The following WIPF2 variants were observed in gnomAD, a reference collection of about 807,000 sequenced individuals.
WIPF2 encodes the protein WAS/WASL-interacting protein family member 2.
Under a neutral mutation model 38.8 loss-of-function variants are expected in WIPF2, and 23 were observed. The observed-to-expected ratio is 0.59, with a 90% CI of 0.43 to 0.84. The LOEUF (loss-of-function observed/expected upper bound fraction) is 0.84. Ranked by LOEUF, WIPF2 falls within the 40% of genes least tolerant of loss-of-function variation. WIPF2 has a pLI of 0.00. For missense variants in WIPF2, 574 were observed against 580.5 expected (o/e 0.99, Z 0.11); for synonymous variants, 210 against 223.2 (o/e 0.94, Z 0.53).
At chr17:40,262,383 T>C in intron 3 of WIPF2, 142 bp from the exon 4 acceptor site, 1 of 621,800 alleles carries the variant, frequency 1.6e-6, no homozygotes. Flanking sequence ...GTACCAGGCC[T>C]GCTTTTTTAA....
At chr17:40,231,680 C>G (rs1020032028) in intron 1 of WIPF2, among the ~76,000 whole-genome samples, 6 of 152,088 alleles carry the variant, frequency 3.9e-5, no homozygotes, top group Non-Finnish European at 8.8e-5. Context: ...GCCTTGGCGC[C>G]TCAAAGTGCT....
In WIPF2 at chr17:40,265,034, G is replaced by A; in HGVS notation, c.858G>A (p.Lys286=). ...AGAGACACAATTCTTTGCATAGGAA[G>A]ACACCAGGGCCTGTCAGAGGCCTAG... The part of the protein sequence containing the change: ...LPQRHNSLHR[K]TPGPVRGLAP... Residue 286 remains lysine (K), a synonymous_variant, in exon 5 of 8, where the codon AAG becomes AAA. Coordinates refer to ENST00000323571, the MANE Select transcript of WIPF2 (RefSeq NM_133264.5). The A allele has an allele frequency of 6.2e-7, 1 of 1,614,056 alleles. No individual in the cohort carries two copies. The highest frequency in any genetic ancestry group is 1.3e-5 in the African/African-American group (1 of 75,010).
At chr17:40,224,406 A>ATTTTTTTTT (rs67838907) in intron 1 of WIPF2, among the ~76,000 whole-genome samples, 20 of 89,064 alleles carry the variant, frequency 2.2e-4, no homozygotes, top group South Asian at 3.6e-4. Flanking sequence ...GATTTTTTGT[A>ATTTTTTTTT]TTTTTTTTTT....
intron 2 of WIPF2, among the ~76,000 whole-genome samples, chr17:40,259,230 G>C (rs577910435): frequency 2.0e-5 from 3 of 151,272 alleles, no homozygotes; most frequent in African/African-American, 7.3e-5. Context: ...TATTGCTTGA[G>C]GGGATGTGGT....
chr17:40,237,896 CAAAAAA>C (rs758183706), intron 1 of WIPF2, among the ~76,000 whole-genome samples: 4 of 106,006 alleles, frequency 3.8e-5, no homozygotes, highest in Admixed American at 2.0e-4. Context: ...ACTAAAATAC[CAAAAAA>C]AAAAAAAAAA....
rs1555557765 is a variant in WIPF2 at position 40,219,394 on chromosome 17, G to GCGGCGA, written c.-161_-156dup. ...GGCGGCGGCGGCGGCGGCGGCGGCG[G>GCGGCGA]CGGCGACGGCGAGAAAGAGCTTGCC... On this transcript the variant is annotated 5_prime_UTR_variant, in exon 1 of 8. Transcript: ENST00000323571. 5,007 of 416,342 alleles carry GCGGCGA rather than the reference G, an allele frequency of 0.012. 61 individuals are homozygous for GCGGCGA. Among genetic ancestry groups the GCGGCGA allele is most frequent in the Non-Finnish European group, 0.016 (3,562 of 219,598 alleles). The allele number at this position is 416,342 out of a possible 1,614,324, so 25.8% of individuals were successfully genotyped here. A position where few individuals can be genotyped will look rare whatever the true frequency, so the allele number is the denominator to read the frequency against.
In WIPF2 at chr17:40,219,368, T is replaced by TGGCGGCGGCGGC. The variant is rs60253561; in HGVS notation, c.-174_-163dup. ...ATTTCCGGGTTGGCAAAAGGGGCGG[T>TGGCGGCGGCGGC]GGCGGCGGCGGCGGCGGCGGCGGCG... On this transcript the variant is annotated 5_prime_UTR_variant, in exon 1 of 8. Coordinates refer to ENST00000323571, the MANE Select transcript of WIPF2 (RefSeq NM_133264.5). 0.016 allele frequency: 5,963 copies of TGGCGGCGGCGGC among 379,678 alleles called. 353 individuals are homozygous for TGGCGGCGGCGGC. Among genetic ancestry groups the TGGCGGCGGCGGC allele is most frequent in the East Asian group, 0.03 (462 of 15,608 alleles). 23.5% of individuals were successfully genotyped at this position (379,678 alleles called of 1,614,324 possible).
chr17:40,260,842 A>G, intron 3 of WIPF2, 175 bp downstream of exon 3: 1 of 865,986 alleles, frequency 1.2e-6, no homozygotes, highest in Non-Finnish European at 1.8e-6. Flanking sequence ...TGACTCTTGG[A>G]GAGCATCTCA....
chr17:40,239,790 G>A (rs539272791), intron 1 of WIPF2, among the ~76,000 whole-genome samples: 9 of 137,634 alleles, frequency 6.5e-5, no homozygotes, highest in African/African-American at 2.4e-4. Flanking sequence ...TCTGCCACCC[G>A]GCTTCAAAGG....
chr17:40,219,898 G>C (rs1159922638), intron 1 of WIPF2: 1 of 152,720 alleles, frequency 6.5e-6, no homozygotes, highest in Non-Finnish European at 1.5e-5. Flanking sequence ...TGTTGGGAAC[G>C]GCTAATTAGC....
intron 1 of WIPF2, among the ~76,000 whole-genome samples, chr17:40,251,406 G>A (rs947164538): frequency 6.6e-6 from 1 of 151,296 alleles, no homozygotes. Context: ...GCGATTATAA[G>A]TCTCAGTCCT....
Position 40,282,458 on chromosome 17 carries a change from C to G in WIPF2, c.*4233C>G, listed in dbSNP as rs377140616. On this transcript the variant is annotated 3_prime_UTR_variant, in exon 8 of 8. Coordinates refer to ENST00000323571, the MANE Select transcript of WIPF2 (RefSeq NM_133264.5). ...CTAGAATGACACGTGTGCGTGCGCA[C>G]GCGTGTGCGTGTGTGTGTTCATCTG... 6.6e-6 allele frequency: 1 copy of G among 151,676 alleles called. No individual in the cohort carries two copies. The highest frequency in any genetic ancestry group is 1.5e-5 in the Non-Finnish European group (1 of 68,040). 9.4% of individuals were successfully genotyped at this position (151,676 alleles called of 1,614,324 possible). A position where few individuals can be genotyped will look rare whatever the true frequency, so the allele number is the denominator to read the frequency against.
intron 1 of WIPF2, among the ~76,000 whole-genome samples, chr17:40,252,602 T>C (rs1055912463): frequency 2.0e-5 from 3 of 150,060 alleles, no homozygotes; most frequent in African/African-American, 7.4e-5. Context: ...AGGAAGAGGT[T>C]GCAGCGAGCC....
rs1022957205 is a variant in WIPF2 at position 40,283,200 on chromosome 17, G to T, written c.*4975G>T. On this transcript the variant is annotated 3_prime_UTR_variant, in exon 8 of 8. Coordinates refer to ENST00000323571, the MANE Select transcript of WIPF2 (RefSeq NM_133264.5). ...AAAAAAAAAAAAAAAAAATTCTAGA[G>T]TTCTAGTTACCCTTCCTGGGAGATT... 1 of 120,968 alleles carries T rather than the reference G, an allele frequency of 8.3e-6. No homozygotes were observed. The highest frequency in any genetic ancestry group is 2.6e-4 in the South Asian group (1 of 3,804). The allele number at this position is 120,968 out of a possible 1,614,324, so 7.5% of individuals were successfully genotyped here. A position where few individuals can be genotyped will look rare whatever the true frequency, so the allele number is the denominator to read the frequency against.
chr17:40,242,688 C>G (rs1031577221), intron 1 of WIPF2, among the ~76,000 whole-genome samples: 2 of 152,166 alleles, frequency 1.3e-5, no homozygotes, highest in African/African-American at 4.8e-5. Flanking sequence ...AGGCATGAGC[C>G]ACTGTGCCTG....
chr17:40,220,776 G>GTTTT (rs773127708), intron 1 of WIPF2, among the ~76,000 whole-genome samples: 1 of 125,946 alleles, frequency 7.9e-6, no homozygotes, highest in Non-Finnish European at 1.7e-5. Context: ...CCCAGAATTC[G>GTTTT]TTTTTTTTTT....
chr17:40,232,917 C>T (rs145445741), intron 1 of WIPF2, among the ~76,000 whole-genome samples: 1,795 of 152,218 alleles, frequency 0.012, 22 homozygotes, highest in Non-Finnish European at 0.016. Context: ...GTATTACAGG[C>T]GTGAGCCACC....
chr17:40,245,705 C>G (rs2031340721), intron 1 of WIPF2, among the ~76,000 whole-genome samples: 1 of 152,038 alleles, frequency 6.6e-6, no homozygotes, highest in African/African-American at 2.4e-5. Context: ...GAGCAGCATC[C>G]TTGTTTTCTA....
chr17:40,250,131 C>T (rs754483234), intron 1 of WIPF2, among the ~76,000 whole-genome samples: 38 of 150,668 alleles, frequency 2.5e-4, no homozygotes, highest in South Asian at 2.1e-4. Context: ...CCTGCTGGAC[C>T]GGACATCAGG....
Sources: allele counts gnomAD v4.1 joint callset (sites outside exome capture counted in the v4.1 genomes callset), GRCh38; gene constraint gnomAD v4.1.1; transcripts MANE v1.5; gene names NCBI Gene and HGNC (gene_info 2026-07-23, HGNC 2026-07-21).